The following GGT7 variants were observed in gnomAD, a reference collection of about 807,000 sequenced individuals.
GGT7 encodes the protein gamma-glutamyltransferase 7.
In GGT7, 30 loss-of-function variants were observed where a neutral mutation model predicts 69.2. That is an observed-to-expected ratio of 0.43 (90% CI 0.32 to 0.59). The LOEUF is 0.59. GGT7 is among the 20% of genes least tolerant of loss of function. GGT7 has a pLI of 0.05. For missense variants in GGT7, 733 were observed against 901.1 expected, an observed-to-expected ratio of 0.81 and a Z score of 2.39; for synonymous variants, 388 against 391.8, an observed-to-expected ratio of 0.99 and a Z score of 0.12.
intron 1 of GGT7, among the ~76,000 whole-genome samples, chr20:34,865,936 A>AT (rs1160117120): frequency 6.6e-6 from 1 of 152,132 alleles, no homozygotes; most frequent in Non-Finnish European, 1.5e-5. Context: ...TATTCATTCA[A>AT]TTTTTTTAGT....
At chr20:34,865,019 A>G (rs1177259545) in intron 1 of GGT7, among the ~76,000 whole-genome samples, 1 of 152,140 alleles carries the variant, frequency 6.6e-6, no homozygotes, top group Non-Finnish European at 1.5e-5. Flanking sequence ...ACAGGGTTTC[A>G]GCATATTGGC....
chr20:34,845,151 CCA>C lies in GGT7; in HGVS notation c.*175_*176del. On this transcript the variant is annotated 3_prime_UTR_variant, in exon 15 of 15. Coordinates refer to ENST00000336431, the MANE Select transcript of GGT7 (RefSeq NM_178026.3). ...ACCACCACCACCACCACCACCACCA[CCA>C]CAGGCCTCCTGATGGAGAATTTTCC... 14 of 547,046 alleles carry C rather than the reference CCA, an allele frequency of 2.6e-5. No homozygotes were observed. Among genetic ancestry groups the C allele is most frequent in the Non-Finnish European group, 3.2e-5 (10 of 309,194 alleles). 33.9% of individuals were successfully genotyped at this position (547,046 alleles called of 1,614,324 possible).
rs1248024894 is a variant in GGT7, at chr20:34,860,048, G to A, written c.744-6C>T. ...GGACTTGGGACCATGGCAGCCTGGG[G>A]GGGCCGGAGAGCAGGGGGTGGAGGA... is the stretch of plus-strand genomic sequence containing the variant. On this transcript the variant is annotated splice_polypyrimidine_tract_variant and splice_region_variant and intron_variant, in intron 5 of 14. Coordinates refer to ENST00000336431, the MANE Select transcript of GGT7 (RefSeq NM_178026.3). The A allele has an allele frequency of 6.5e-7, 1 of 1,550,342 alleles. No individual in the cohort carries two copies. The highest frequency in any genetic ancestry group is 1.9e-5 in the Admixed American group (1 of 52,330).
intron 6 of GGT7, 114 bp downstream of exon 6, chr20:34,859,855 G>T (rs2079559126): frequency 1.2e-6 from 1 of 851,020 alleles, no homozygotes; most frequent in Non-Finnish European, 1.9e-6. Context: ...GTGGGGAGGG[G>T]GTCTGAGGAG....
chr20:34,859,754 C>A (rs2079557323), intron 6 of GGT7, 115 bp from the exon 7 acceptor site: 1 of 925,228 alleles, frequency 1.1e-6, no homozygotes. Context: ...GCCCTGACCC[C>A]CAGGAGCCTG....
At position 34,852,516 on chromosome 20, in the gene GGT7, G is replaced by A. The variant is rs755601936; in HGVS notation, c.1342C>T (p.Arg448Trp). 1.9e-6 allele frequency: 3 copies of A among 1,586,812 alleles called. No homozygotes were observed. The highest frequency in any genetic ancestry group is 2.6e-6 in the Non-Finnish European group (3 of 1,167,490). ...MLSKVEAAYLRGHINDSQAAP... is the reference protein window; with the variant it reads ...MLSKVEAAYLWGHINDSQAAP... ...GCCTGGGAGTCATTGATATGGCCCC[G>A]GAGGTAGGCGGCCTCCACCTTGCTG... Residue 448 changes from arginine (R) to tryptophan (W), a missense_variant, in exon 11 of 15, where the codon CGG (arginine) becomes TGG (tryptophan). Arg to Trp is a moderately radical substitution (Grantham distance 101). Coordinates refer to ENST00000336431, the MANE Select transcript of GGT7 (RefSeq NM_178026.3).
intron 1 of GGT7, among the ~76,000 whole-genome samples, chr20:34,864,008 G>C (rs1038622671): frequency 6.6e-6 from 1 of 152,222 alleles, no homozygotes; most frequent in African/African-American, 2.4e-5. Flanking sequence ...AATATGGAGA[G>C]CCCTATGCTA....
chr20:34,863,347 G>T lies in GGT7; in HGVS notation c.371C>A (p.Ala124Glu), dbSNP rs1304559924. The stretch of plus-strand genomic sequence containing the variant: ...CCCGAAGTAGATCTGCATGACCAGC[G>T]CCACGGTGACACCGGTAGCGAAGGT... ...CLTFATGVTV[A>E]LVMQIYFGDP... Residue 124 changes from alanine to glutamate, a missense_variant, in exon 2 of 15, where the codon GCG (alanine) becomes GAG (glutamate). Physicochemically the swap from Ala to Glu is moderately radical, Grantham distance 107 (BLOSUM62 -1). Transcript: ENST00000336431. The surrounding 1 kb of genome is among the most constrained non-coding windows in gnomAD (Gnocchi z 4.4). 1.2e-6 allele frequency: 2 copies of T among 1,613,542 alleles called. No individual in the cohort carries two copies. The highest frequency in any genetic ancestry group is 3.3e-5 in the Admixed American group (2 of 59,978).
chr20:34,861,035 C>T (rs1409094937), intron 4 of GGT7, among the ~76,000 whole-genome samples: 1 of 152,198 alleles, frequency 6.6e-6, no homozygotes, highest in East Asian at 1.9e-4. Flanking sequence ...ACCCATTTTT[C>T]CAAGTTATTC....
chr20:34,860,014 CA>C lies in GGT7; in HGVS notation c.771del (p.Phe257LeufsTer12). 6.4e-7 allele frequency: 1 copy of C among 1,564,748 alleles called. No individual in the cohort carries two copies. ...AAGCCATCTTGGGCCACAGCTGCTGCAAAGGCCAGGACTTGGGACCATGGCA... is the reference window on the plus strand; with the variant it reads ...AAGCCATCTTGGGCCACAGCTGCTGCAAGGCCAGGACTTGGGACCATGGCA... Reference protein sequence around the residue: ...GRLPWSQVLAFAAAVAQDGFN... With the variant: ...GRLPWSQVLAXAAAVAQDGFN... On this transcript the variant is annotated frameshift_variant, in exon 6 of 15. Transcript: ENST00000336431. LOFTEE classifies it high-confidence loss of function.
intron 7 of GGT7, among the ~76,000 whole-genome samples, chr20:34,857,618 T>TTC (rs2079516027): frequency 1.6e-5 from 2 of 128,882 alleles, no homozygotes; most frequent in South Asian, 5.2e-4. Context: ...CACATTGATT[T>TTC]TTTTTTTTTT....
At position 34,845,124 on chromosome 20, in the gene GGT7, CCA is replaced by C; in HGVS notation, c.*202_*203del. On this transcript the variant is annotated 3_prime_UTR_variant, in exon 15 of 15. Coordinates refer to ENST00000336431, the MANE Select transcript of GGT7 (RefSeq NM_178026.3). The stretch of plus-strand genomic sequence containing the variant: ...TAGATGCTGACACTCACCACCACCA[CCA>C]CCACCACCACCACCACCACCACCAC... 1 of 433,344 alleles carries C rather than the reference CCA, an allele frequency of 2.3e-6. No individual in the cohort carries two copies. The highest frequency in any genetic ancestry group is 2.4e-5 in the African/African-American group (1 of 41,500). The allele number at this position is 433,344 out of a possible 1,614,324, so 26.8% of individuals were successfully genotyped here.
At chr20:34,872,621 G>A (rs1219811766) in intron 1 of GGT7, 26 bp downstream of exon 1, 1 of 1,425,234 alleles carries the variant, frequency 7.0e-7, no homozygotes, top group Non-Finnish European at 9.2e-7. Context: ...CCAAGGCAGG[G>A]CAGGGACGGG....
At chr20:34,858,102 G>A (rs1054929623) in intron 7 of GGT7, among the ~76,000 whole-genome samples, 1 of 152,152 alleles carries the variant, frequency 6.6e-6, no homozygotes, top group African/African-American at 2.4e-5. Context: ...GATTGATTTG[G>A]GAATAGTCAT....
intron 7 of GGT7, among the ~76,000 whole-genome samples, chr20:34,858,254 G>C (rs981971877): frequency 6.6e-6 from 1 of 152,234 alleles, no homozygotes; most frequent in Non-Finnish European, 1.5e-5. Flanking sequence ...AAGGATCTGA[G>C]AGTGAATCCA....
Position 34,863,291 on chromosome 20 carries a change from C to T in GGT7, c.405+22G>A, listed in dbSNP as rs1350508066. The T allele has an allele frequency of 1.3e-6, 2 of 1,546,696 alleles. No individual in the cohort carries two copies. The highest frequency in any genetic ancestry group is 1.8e-6 in the Non-Finnish European group (2 of 1,122,988). On this transcript the variant is annotated intron_variant, in intron 2 of 14. Transcript: ENST00000336431. The surrounding 1 kb of genome is among the most constrained non-coding windows in gnomAD (Gnocchi z 4.4). ...ACTCCCCACTCCCCAGTTTCCTCCC[C>T]CTCCCCATTTGTCCCCCTCACCTGG... is the stretch of plus-strand genomic sequence containing the variant.
At chr20:34,855,634 T>C (rs1193001576) in intron 8 of GGT7, among the ~76,000 whole-genome samples, 1 of 152,156 alleles carries the variant, frequency 6.6e-6, no homozygotes, top group Non-Finnish European at 1.5e-5. Flanking sequence ...CAAATCCTTA[T>C]GGGCATCCTA....
chr20:34,870,544 G>A (rs2079761708), intron 1 of GGT7, among the ~76,000 whole-genome samples: 2 of 152,134 alleles, frequency 1.3e-5, no homozygotes, highest in Admixed American at 1.3e-4. Flanking sequence ...AGGCTGGAGT[G>A]CAATGGCGCG....
Position 34,847,867 on chromosome 20 carries a change from G to A in GGT7, c.1825+2094C>T, listed in dbSNP as rs578155927. On this transcript the variant is annotated intron_variant, in intron 14 of 14. Coordinates refer to ENST00000336431, the MANE Select transcript of GGT7 (RefSeq NM_178026.3). ...AGCACTTCGGGAGGCCGAGGCAGGC[G>A]GATTACTTGAGGTCAGGAGTTTGAG... Among the ~76,000 whole-genome samples, 13 of 152,306 alleles carry A rather than the reference G, an allele frequency of 8.5e-5. No individual in the cohort carries two copies. The East Asian group carries it at 2.5e-3, about 29-fold the overall frequency.
Sources: gnomAD v4.1 joint callset for allele counts (sites outside exome capture counted in the v4.1 genomes callset) on GRCh38, gnomAD v4.1.1 for gene constraint, Gnocchi (gnomAD v3.1) non-coding constraint, MANE v1.5 for transcripts, NCBI Gene and HGNC (gene_info 2026-07-23, HGNC 2026-07-21) for gene names.